TIGD4: variants seen among roughly 807,000 people sequenced by gnomAD.
The protein encoded by TIGD4 is tigger transposable element-derived protein 4.
Under a neutral mutation model 24.9 loss-of-function variants are expected in TIGD4, and 20 were observed. The observed-to-expected ratio is 0.80, with a 90% CI of 0.56 to 1.17. The LOEUF (loss-of-function observed/expected upper bound fraction) is 1.17, where lower values mean the gene tolerates loss of function less well. TIGD4 is among the 50% of genes most tolerant of loss of function. The pLI, the probability that TIGD4 is intolerant of heterozygous loss-of-function variation, is 0.00. For synonymous variants in TIGD4, 193 were observed against 211.0 expected (o/e 0.91, Z 0.74); for missense variants, 566 against 591.0 (o/e 0.96, Z 0.44).
intron 1 of TIGD4, among the ~76,000 whole-genome samples, chr4:152,775,207 G>A (rs1320006752): frequency 1.3e-5 from 2 of 152,180 alleles, no homozygotes; most frequent in African/African-American, 2.4e-5. Flanking sequence ...GAGCCACCAT[G>A]CCCGGCCTAT....
chr4:152,774,781 G>A (rs992548471), intron 1 of TIGD4, among the ~76,000 whole-genome samples: 6 of 152,124 alleles, frequency 3.9e-5, no homozygotes, highest in African/African-American at 7.2e-5. Context: ...AGTATCTAGC[G>A]TTTGCTGGGG....
At chr4:152,773,337 C>T (rs754527985) in intron 1 of TIGD4, among the ~76,000 whole-genome samples, 1 of 152,056 alleles carries the variant, frequency 6.6e-6, no homozygotes, top group Non-Finnish European at 1.5e-5. Context: ...TAAAGGAATT[C>T]TTTTTTTAAA....
At chr4:152,772,716 T>G (rs553405290) in intron 1 of TIGD4, among the ~76,000 whole-genome samples, 21 of 151,984 alleles carry the variant, frequency 1.4e-4, no homozygotes, top group Admixed American at 1.3e-3. Flanking sequence ...GCTTTTCTTT[T>G]TTTTTTTTCT....
In TIGD4 at chr4:152,771,330, C is replaced by CTGCTGA. The variant is rs1730168727; in HGVS notation, c.-332_-327dup. 5.1e-6 allele frequency: 1 copy of CTGCTGA among 195,396 alleles called. No homozygotes were observed. Among genetic ancestry groups the CTGCTGA allele is most frequent in the Admixed American group, 6.1e-5 (1 of 16,446 alleles). 12.1% of individuals were successfully genotyped at this position (195,396 alleles called of 1,614,324 possible). The stretch of plus-strand genomic sequence containing the variant: ...CTCATTATATAAAACCTGTCCAGTC[C>CTGCTGA]TGCTGATGTATTTTTGGAACTTCAA... On this transcript the variant is annotated 5_prime_UTR_variant, in exon 2 of 2. Transcript: ENST00000304337.
At chr4:152,774,879 CTG>C (rs1011481920) in intron 1 of TIGD4, among the ~76,000 whole-genome samples, 4 of 151,588 alleles carry the variant, frequency 2.6e-5, no homozygotes, top group African/African-American at 9.7e-5. Context: ...AACCTTAAAA[CTG>C]TGTATAACGT....
chr4:152,776,569 C>G (rs1730264998), intron 1 of TIGD4, among the ~76,000 whole-genome samples: 1 of 152,174 alleles, frequency 6.6e-6, no homozygotes, highest in African/African-American at 2.4e-5. Context: ...ACTTTCCAAA[C>G]TTAAGACAGC....
In TIGD4 at chr4:152,773,273, T is replaced by C. The variant is rs369923980; in HGVS notation, c.-538-1731A>G. Among the ~76,000 whole-genome samples the C allele has an allele frequency of 1.8e-4, 28 of 152,356 alleles. No individual in the cohort carries two copies. The East Asian group carries it at 2.1e-3, about 12-fold the overall frequency. On this transcript the variant is annotated intron_variant, in intron 1 of 1. Transcript: ENST00000304337. ...GACAAAACTTTTGCCAAAATTCTTC[T>C]GCCCTTGTTGTCCAACTCAAAGGAG... is the stretch of plus-strand genomic sequence containing the variant.
intron 1 of TIGD4, among the ~76,000 whole-genome samples, chr4:152,773,353 G>A (rs1403124972): frequency 6.6e-6 from 1 of 152,032 alleles, no homozygotes; most frequent in African/African-American, 2.4e-5. Flanking sequence ...TTAAAAAAGT[G>A]TCATTTCGAA....
intron 1 of TIGD4, among the ~76,000 whole-genome samples, chr4:152,775,538 T>C (rs1024656723): frequency 2.6e-5 from 4 of 152,224 alleles, no homozygotes; most frequent in Non-Finnish European, 5.9e-5. Context: ...CTATGGTCCC[T>C]AGTTTTTTTG....
Position 152,770,010 on chromosome 4 carries a change from T to C in TIGD4, c.995A>G (p.His332Arg). ...GCTTAAAAATTTCTTGATAAGACAG[T>C]GTCGATATTTGATTTTAAGGCTTTT... ...VIKSLKIKYR[H>R]CLIKKFLSSV... Residue 332 changes from histidine to arginine, a missense_variant, in exon 2 of 2, where the codon CAC becomes CGC. By Grantham distance (29) the His-to-Arg change is conservative (BLOSUM62 0). Coordinates refer to ENST00000304337, the MANE Select transcript of TIGD4 (RefSeq NM_145720.4). 1 of 1,610,060 alleles carries C rather than the reference T, an allele frequency of 6.2e-7. No individual in the cohort carries two copies. The highest frequency in any genetic ancestry group is 8.5e-7 in the Non-Finnish European group (1 of 1,177,218).
Position 152,770,705 on chromosome 4 carries a change from A to C in TIGD4, c.300T>G (p.Cys100Trp). 1.2e-6 allele frequency: 2 copies of C among 1,613,642 alleles called. No homozygotes were observed. ...TCGGACCATTAACTGGTACATTTAG[A>C]CACTGAGCAATTCGATACCATCTCA... ...ALMRWYRIAQ[C>W]LNVPVNGPML... Residue 100 changes from cysteine (C) to tryptophan (W), a missense_variant, in exon 2 of 2, where the codon TGT becomes TGG. Transcript: ENST00000304337.
chr4:152,777,576 AAAAG>A (rs1730279520), intron 1 of TIGD4, among the ~76,000 whole-genome samples: 1 of 148,510 alleles, frequency 6.7e-6, no homozygotes, highest in African/African-American at 2.5e-5. Flanking sequence ...GAGAAAGGAA[AAAAG>A]GAAGGAAGGG....
chr4:152,770,999 T>C lies in TIGD4; in HGVS notation c.6A>G (p.Ala2=). 2 of 1,598,030 alleles carry C rather than the reference T, an allele frequency of 1.3e-6. No homozygotes were observed. The highest frequency in any genetic ancestry group is 1.2e-5 in the South Asian group (1 of 86,704). M[A]EASVDASTLP... The stretch of plus-strand genomic sequence containing the variant: ...GAGTTGAGGCATCCACAGAAGCTTC[T>C]GCCATCTCAGCCAGTGCTTATGTAG... The change falls in exon 2 of 2, where the codon GCA becomes GCG. Residue 2 remains alanine, a synonymous_variant. Coordinates refer to ENST00000304337, the MANE Select transcript of TIGD4 (RefSeq NM_145720.4).
At chr4:152,773,059 G>C (rs28697233) in intron 1 of TIGD4, among the ~76,000 whole-genome samples, 31,023 of 152,074 alleles carry the variant, frequency 0.2, 3,368 homozygotes, top group Admixed American at 0.27. Flanking sequence ...ACAGTCACAT[G>C]GCCCCAGATA....
chr4:152,777,648 G>C (rs1292098156), intron 1 of TIGD4, among the ~76,000 whole-genome samples: 2 of 149,612 alleles, frequency 1.3e-5, no homozygotes. Context: ...AGAAGGGAGG[G>C]AGACAAGAAG....
chr4:152,776,341 C>T (rs1730259459), intron 1 of TIGD4, among the ~76,000 whole-genome samples: 1 of 152,066 alleles, frequency 6.6e-6, no homozygotes, highest in Non-Finnish European at 1.5e-5. Flanking sequence ...GTTTTTTCCT[C>T]TTTATAGTTA....
Position 152,769,699 on chromosome 4 carries a change from C to T in TIGD4, c.1306G>A (p.Gly436Ser), listed in dbSNP as rs746805426. ...DLETCEAAPN[G>S]DSICTKESKS... ...CTTTCTTTGGTGCATATGGAATCACCATTTGGTGCTGCTTCACATGTCTCC... is the reference window on the plus strand; with the variant it reads ...CTTTCTTTGGTGCATATGGAATCACTATTTGGTGCTGCTTCACATGTCTCC... The change falls in exon 2 of 2, where the codon GGT (glycine) becomes AGT (serine). Residue 436 changes from glycine to serine, a missense_variant. Physicochemically the swap from Gly to Ser is moderately conservative, Grantham distance 56 (BLOSUM62 0). Coordinates refer to ENST00000304337, the MANE Select transcript of TIGD4 (RefSeq NM_145720.4). 54 of 1,613,702 alleles carry T rather than the reference C, an allele frequency of 3.3e-5. No individual in the cohort carries two copies. In the South Asian group the frequency reaches 4.3e-4, roughly 13 times the overall value.
chr4:152,769,670 T>C lies in TIGD4; in HGVS notation c.1335A>G (p.Lys445=). ...NGDSICTKES[K]SDETGFYTSD... ...AAGTGTAAAATCCAGTTTCATCCGA[T>C]TTACTTTCTTTGGTGCATATGGAAT... Residue 445 remains lysine (K), a synonymous_variant, in exon 2 of 2, where the codon AAA becomes AAG. Coordinates refer to ENST00000304337, the MANE Select transcript of TIGD4 (RefSeq NM_145720.4). The C allele has an allele frequency of 1.9e-6, 3 of 1,613,320 alleles. No homozygotes were observed. Among genetic ancestry groups the C allele is most frequent in the Non-Finnish European group, 2.5e-6 (3 of 1,179,632 alleles).
intron 1 of TIGD4, among the ~76,000 whole-genome samples, chr4:152,775,531 T>C (rs554535807): frequency 6.6e-6 from 1 of 152,360 alleles, no homozygotes; most frequent in Admixed American, 6.5e-5. Flanking sequence ...TGTAGGACTA[T>C]GGTCCCTAGT....
Sources: allele counts gnomAD v4.1 joint callset (sites outside exome capture counted in the v4.1 genomes callset), GRCh38; gene constraint gnomAD v4.1.1; transcripts MANE v1.5; gene names NCBI Gene and HGNC (gene_info 2026-07-23, HGNC 2026-07-21).